TASP1: variants seen among roughly 807,000 people sequenced by gnomAD.
The protein encoded by TASP1 is threonine aspartase 1.
TASP1 carries 16 observed loss-of-function variants against 56.6 expected under a neutral mutation model. The ratio of observed to expected loss-of-function variants is 0.28; its 90% CI spans 0.19 to 0.43. TASP1 has a LOEUF of 0.43. Ranked by LOEUF, TASP1 falls within the 20% of genes least tolerant of loss-of-function variation. The probability of loss-of-function intolerance (pLI) is 1.00; values close to 1 mark genes in which losing one functional copy is unlikely to be tolerated. For missense variants in TASP1, 393 were observed against 511.6 expected, an observed-to-expected ratio of 0.77 and a Z score of 2.24; for synonymous variants, 179 against 184.2, an observed-to-expected ratio of 0.97 and a Z score of 0.23.
At chr20:13,294,908 GA>G in the TASP1 span, among the ~76,000 whole-genome samples, 2 of 152,176 alleles carry the variant, frequency 1.3e-5, no homozygotes, top group Non-Finnish European at 2.9e-5. Context: ...CAGAGCTCCT[GA>G]AAGTTGCGTT....
chr20:13,323,275 G>A, the TASP1 span, among the ~76,000 whole-genome samples: 1 of 152,296 alleles, frequency 6.6e-6, no homozygotes, highest in South Asian at 2.1e-4. Context: ...ACAGGGGCTT[G>A]AGAAGACTAG....
chr20:13,525,696 C>T (rs945571022), intron 10 of TASP1, among the ~76,000 whole-genome samples: 1 of 152,154 alleles, frequency 6.6e-6, no homozygotes, highest in Non-Finnish European at 1.5e-5. Context: ...AAATTCAGTG[C>T]TCCACCTTTC....
intron 8 of TASP1, among the ~76,000 whole-genome samples, chr20:13,545,573 C>T (rs1006816487): frequency 6.6e-6 from 1 of 152,172 alleles, no homozygotes; most frequent in African/African-American, 2.4e-5. Context: ...AACTGACATT[C>T]CCCCACCAGG....
At chr20:13,266,754 G>A in the TASP1 span, among the ~76,000 whole-genome samples, 1 of 152,158 alleles carries the variant, frequency 6.6e-6, no homozygotes, top group Non-Finnish European at 1.5e-5. Flanking sequence ...ATCATTTTCA[G>A]AGAAGAATGT....
the TASP1 span, among the ~76,000 whole-genome samples, chr20:13,279,209 A>G: frequency 6.6e-6 from 1 of 152,324 alleles, no homozygotes; most frequent in African/African-American, 2.4e-5. Context: ...ATGTTTTATT[A>G]TAATATGATT....
chr20:13,566,317 T>C (rs1464073253), intron 7 of TASP1, among the ~76,000 whole-genome samples: 2 of 152,158 alleles, frequency 1.3e-5, no homozygotes, highest in African/African-American at 4.8e-5. Flanking sequence ...TTTAAGATGG[T>C]AAATTTTATG....
At chr20:13,277,483 C>G in the TASP1 span, among the ~76,000 whole-genome samples, 3 of 152,144 alleles carry the variant, frequency 2.0e-5, no homozygotes, top group Non-Finnish European at 1.5e-5. Flanking sequence ...CACTGCCCAG[C>G]TTGGCTCGGC....
At chr20:13,263,743 T>G in the TASP1 span, among the ~76,000 whole-genome samples, 228 of 152,284 alleles carry the variant, frequency 1.5e-3, no homozygotes, top group Non-Finnish European at 3.0e-3. Context: ...TGGCTTCCTT[T>G]CATCTGGAAA....
At chr20:13,263,185 T>C in the TASP1 span, among the ~76,000 whole-genome samples, 14 of 152,342 alleles carry the variant, frequency 9.2e-5, no homozygotes, top group Admixed American at 2.0e-4. Context: ...CTGTTCCTGC[T>C]GCCTGAAGGG....
intron 10 of TASP1, among the ~76,000 whole-genome samples, chr20:13,520,927 GA>G (rs1170996953): frequency 1.6e-4 from 24 of 152,024 alleles, no homozygotes; most frequent in Non-Finnish European, 3.4e-4. Context: ...AAATTTACAA[GA>G]AAAAAACAAA....
At chr20:13,636,495 T>C (rs896110163) in intron 1 of TASP1, among the ~76,000 whole-genome samples, 1 of 151,848 alleles carries the variant, frequency 6.6e-6, no homozygotes, top group Non-Finnish European at 1.5e-5. Context: ...ATATTGAAGG[T>C]TTAATGCCTC....
At chr20:13,375,052 G>A in the TASP1 span, among the ~76,000 whole-genome samples, 1 of 152,124 alleles carries the variant, frequency 6.6e-6, no homozygotes, top group Admixed American at 6.5e-5. Context: ...AATTGGGCTG[G>A]GGTAGTTTTT....
intron 11 of TASP1, among the ~76,000 whole-genome samples, chr20:13,458,941 A>C (rs549206674): frequency 2.6e-5 from 4 of 152,320 alleles, no homozygotes; most frequent in Admixed American, 2.6e-4. Context: ...AATGAGGTTT[A>C]TGGAAACAAT....
At chr20:13,520,138 A>G (rs2044685951) in intron 10 of TASP1, among the ~76,000 whole-genome samples, 2 of 152,142 alleles carry the variant, frequency 1.3e-5, no homozygotes, top group Non-Finnish European at 1.5e-5. Flanking sequence ...CAAACAAATG[A>G]AAGAACATTC....
chr20:13,589,397 T>C (rs2047439322), intron 4 of TASP1, among the ~76,000 whole-genome samples: 2 of 152,072 alleles, frequency 1.3e-5, no homozygotes, highest in Admixed American at 6.6e-5. Flanking sequence ...CTGGGACAAT[T>C]AGATAGCCAC....
chr20:13,399,675 C>A (rs1045790768), intron 13 of TASP1, among the ~76,000 whole-genome samples: 4 of 152,194 alleles, frequency 2.6e-5, no homozygotes, highest in African/African-American at 9.7e-5. Context: ...TATCACTCAC[C>A]TCTATGGCAA....
chr20:13,587,718 T>C (rs2047359252), intron 4 of TASP1, among the ~76,000 whole-genome samples: 1 of 150,752 alleles, frequency 6.6e-6, no homozygotes. Flanking sequence ...GAAAAAAACA[T>C]GATTGTATCA....
chr20:13,542,438 G>C (rs2045658915), intron 8 of TASP1, among the ~76,000 whole-genome samples: 1 of 152,136 alleles, frequency 6.6e-6, no homozygotes, highest in Admixed American at 6.5e-5. Context: ...ATTTCAACAT[G>C]TTTCTCTCAA....
intron 1 of TASP1, among the ~76,000 whole-genome samples, chr20:13,634,736 A>G (rs1194463041): frequency 1.3e-5 from 2 of 150,906 alleles, no homozygotes; most frequent in African/African-American, 4.9e-5. Flanking sequence ...TCCAAAAAAA[A>G]AAAAAAAAAA....
Sources: allele counts gnomAD v4.1 joint callset (sites outside exome capture counted in the v4.1 genomes callset), GRCh38; gene constraint gnomAD v4.1.1; transcripts MANE v1.5; gene names NCBI Gene and HGNC (gene_info 2026-07-23, HGNC 2026-07-21).